Variants in PSMA3 observed in about 807,000 individuals in gnomAD.
PSMA3 encodes proteasome 20S subunit alpha 3.
In PSMA3, 8 loss-of-function variants were observed where a neutral mutation model predicts 40.0. That is an observed-to-expected ratio of 0.20 (90% CI 0.12 to 0.36). PSMA3 has a LOEUF of 0.36. Ranked by LOEUF, PSMA3 falls within the 10% of genes least tolerant of loss-of-function variation. PSMA3 has a pLI of 1.00. For synonymous variants in PSMA3, 110 were observed against 100.0 expected, an observed-to-expected ratio of 1.10 and a Z score of -0.59; for missense variants, 219 against 310.6, an observed-to-expected ratio of 0.70 and a Z score of 2.22.
In PSMA3 at chr14:58,252,152, T is replaced by C. The variant is rs11556302; in HGVS notation, c.138T>C (p.Val46=). 6 of 1,612,934 alleles carry C rather than the reference T, an allele frequency of 3.7e-6. No individual in the cohort carries two copies. The Admixed American group carries it at 8.4e-5, about 22-fold the overall frequency. ...TAIGIRCKDG[V]VFGVEKLVLS... ...TTGGAATCAGATGCAAAGATGGTGT[T>C]GTCTTTGGGGTAGAAAAATTAGTCC... The change falls in exon 3 of 11, where the codon GTT becomes GTC. Residue 46 remains valine (V), a synonymous_variant. Transcript: ENST00000216455.
At chr14:58,269,398 A>G (rs1890544240) in intron 8 of PSMA3, among the ~76,000 whole-genome samples, 1 of 152,038 alleles carries the variant, frequency 6.6e-6, no homozygotes, top group Non-Finnish European at 1.5e-5. Context: ...TAGGTTGAAG[A>G]GACCACTAAT....
At position 58,257,662 on chromosome 14, in the gene PSMA3, A is replaced by G. The variant is rs904824380; in HGVS notation, c.229-83A>G. 1.2e-4 allele frequency: 155 copies of G among 1,245,222 alleles called. No homozygotes were observed. In the African/African-American group the frequency reaches 2.2e-3, roughly 18 times the overall value. 77.1% of individuals were successfully genotyped at this position (1,245,222 alleles called of 1,614,324 possible). ...TTGAATGGTAATACTTGTTAAAAAAATGTTTAATAAGTCTTTATTAATTGC... is the reference window on the plus strand; with the variant it reads ...TTGAATGGTAATACTTGTTAAAAAAGTGTTTAATAAGTCTTTATTAATTGC... On this transcript the variant is annotated intron_variant, in intron 3 of 10. Coordinates refer to ENST00000216455, the MANE Select transcript of PSMA3 (RefSeq NM_002788.4).
intron 2 of PSMA3, among the ~76,000 whole-genome samples, chr14:58,248,411 G>A (rs771332609): frequency 8.6e-5 from 13 of 151,780 alleles, no homozygotes; most frequent in Non-Finnish European, 1.6e-4. Context: ...TGCATTTTTA[G>A]TAGAGACGGG....
chr14:58,268,183 T>TGTA (rs1890502012), intron 8 of PSMA3: 1 of 152,104 alleles, frequency 6.6e-6, no homozygotes, highest in Non-Finnish European at 1.5e-5. Flanking sequence ...GATCAAAGAG[T>TGTA]GTAGACATTT....
intron 3 of PSMA3, among the ~76,000 whole-genome samples, chr14:58,256,985 C>A (rs1338281599): frequency 6.6e-6 from 1 of 150,976 alleles, no homozygotes; most frequent in Non-Finnish European, 1.5e-5. Flanking sequence ...TTAGCCAATC[C>A]CAGCTACTGG....
chr14:58,257,984 A>G lies in PSMA3; in HGVS notation c.390A>G (p.Arg130=). The change falls in exon 5 of 11, where the codon AGA becomes AGG. Residue 130 remains arginine, a synonymous_variant. Transcript: ENST00000216455. ...CATATACACTCTACAGTGCTGTTAG[A>G]CCTTTTGGCTGCAGGTAAGAAATTT... ...VHAYTLYSAV[R]PFGCSFMLGS... 12 of 1,613,636 alleles carry G rather than the reference A, an allele frequency of 7.4e-6. No homozygotes were observed. Among genetic ancestry groups the G allele is most frequent in the Non-Finnish European group, 9.3e-6 (11 of 1,179,590 alleles).
chr14:58,253,209 T>C lies in PSMA3; in HGVS notation c.228+967T>C, dbSNP rs1890053549. On this transcript the variant is annotated intron_variant, in intron 3 of 10. Transcript: ENST00000216455. ...CATGTTGGCCAGGCTGGTCTCGAACTCCTGACCTCAAGTGATCCATCTGCC... is the reference window on the plus strand; with the variant it reads ...CATGTTGGCCAGGCTGGTCTCGAACCCCTGACCTCAAGTGATCCATCTGCC... Among the ~76,000 whole-genome samples the C allele has an allele frequency of 2.0e-5, 3 of 152,130 alleles. No individual in the cohort carries two copies. The South Asian group carries it at 6.2e-4, about 31-fold the overall frequency.
chr14:58,259,314 GT>G (rs963228674), intron 5 of PSMA3, among the ~76,000 whole-genome samples: 9 of 150,800 alleles, frequency 6.0e-5, no homozygotes, highest in Non-Finnish European at 1.2e-4. Flanking sequence ...CTTTTTTTTT[GT>G]TTGTTTTGTT....
chr14:58,255,528 G>A (rs1890123341), intron 3 of PSMA3, among the ~76,000 whole-genome samples: 3 of 152,100 alleles, frequency 2.0e-5, no homozygotes, highest in South Asian at 2.1e-4. Flanking sequence ...CAGCACTTTC[G>A]GAGGCCAAGG....
At chr14:58,267,690 A>C (rs1035674763) in intron 8 of PSMA3, 170 bp downstream of exon 8, 18 of 1,202,748 alleles carry the variant, frequency 1.5e-5, no homozygotes, top group Admixed American at 4.4e-5. Flanking sequence ...AATGTTTTTA[A>C]GCAATATTTT....
At chr14:58,255,734 GCT>G (rs1228276758) in intron 3 of PSMA3, among the ~76,000 whole-genome samples, 2 of 152,146 alleles carry the variant, frequency 1.3e-5, no homozygotes, top group African/African-American at 4.8e-5. Context: ...GCACCACTGT[GCT>G]CTAGCCTGGG....
intron 5 of PSMA3, among the ~76,000 whole-genome samples, chr14:58,259,838 G>C (rs767148543): frequency 2.0e-5 from 3 of 152,196 alleles, no homozygotes; most frequent in Non-Finnish European, 4.4e-5. Context: ...AGAGAGTTAA[G>C]TATGCTTGGT....
Position 58,259,988 on chromosome 14 carries a change from A to G in PSMA3, c.405-960A>G, listed in dbSNP as rs149598583. On this transcript the variant is annotated intron_variant, in intron 5 of 10. Transcript: ENST00000216455. ...GACAATGAGCTATATATCCTGAAGG[A>G]TAAGTCTCATATCGGTAGAAAATGG... is the stretch of plus-strand genomic sequence containing the variant. 3.2e-4 allele frequency among the ~76,000 whole-genome samples: 48 copies of G among 152,374 alleles called. 1 individual carries two copies. The highest frequency in any genetic ancestry group is 1.1e-3 in the African/African-American group (44 of 41,594).
intron 3 of PSMA3, among the ~76,000 whole-genome samples, chr14:58,254,922 G>C (rs745644733): frequency 3.3e-5 from 5 of 152,170 alleles, no homozygotes; most frequent in Admixed American, 6.5e-5. Context: ...CATGTAATGA[G>C]TGCTCAGTAT....
At chr14:58,253,363 A>G (rs1890057362) in intron 3 of PSMA3, among the ~76,000 whole-genome samples, 2 of 152,294 alleles carry the variant, frequency 1.3e-5, no homozygotes, top group South Asian at 4.1e-4. Context: ...TTGGGTCTGC[A>G]TGTTACTCAA....
chr14:58,252,143 A>T lies in PSMA3; in HGVS notation c.129A>T (p.Lys43Asn). 1 of 1,612,054 alleles carries T rather than the reference A, an allele frequency of 6.2e-7. No homozygotes were observed. The stretch of plus-strand genomic sequence containing the variant: ...GTACAGCTATTGGAATCAGATGCAA[A>T]GATGGTGTTGTCTTTGGGGTAGAAA... ...NSSTAIGIRCKDGVVFGVEKL... is the reference protein window; with the variant it reads ...NSSTAIGIRCNDGVVFGVEKL... Residue 43 changes from lysine (K) to asparagine (N), a missense_variant, in exon 3 of 11, where the codon AAA becomes AAT. Transcript: ENST00000216455.
intron 10 of PSMA3, among the ~76,000 whole-genome samples, chr14:58,271,650 T>TATCA (rs1237598495): frequency 6.6e-6 from 1 of 152,176 alleles, no homozygotes; most frequent in Non-Finnish European, 1.5e-5. Context: ...GTATATATTC[T>TATCA]ATCAAAGATA....
At chr14:58,252,263 T>C in intron 3 of PSMA3, 21 bp downstream of exon 3, 1 of 1,599,066 alleles carries the variant, frequency 6.3e-7, no homozygotes. Context: ...GTTTAAAATG[T>C]TCCTTTTTGT....
chr14:58,252,233 T>C lies in PSMA3; in HGVS notation c.219T>C (p.His73=). The C allele has an allele frequency of 1.2e-6, 2 of 1,607,000 alleles. No homozygotes were observed. The highest frequency in any genetic ancestry group is 1.7e-6 in the Non-Finnish European group (2 of 1,178,324). The change falls in exon 3 of 11, where the codon CAT becomes CAC. Residue 73 remains histidine, a synonymous_variant. Coordinates refer to ENST00000216455, the MANE Select transcript of PSMA3 (RefSeq NM_002788.4). ...AAAGACTTTTTAATGTTGATCGGCA[T>C]GTTGGAATGGTAAGGTCATGTTTAA... ...SNKRLFNVDR[H]VGMAVAGLLA...
Sources: gnomAD v4.1 joint callset for allele counts (sites outside exome capture counted in the v4.1 genomes callset) on GRCh38, gnomAD v4.1.1 for gene constraint, MANE v1.5 for transcripts, NCBI Gene and HGNC (gene_info 2026-07-23, HGNC 2026-07-21) for gene names.